Variants in ARHGEF11 observed in about 807,000 individuals in gnomAD.
The protein encoded by ARHGEF11 is Rho guanine exchange factor (GEF) 11.
ARHGEF11 carries 55 observed loss-of-function variants against 193.7 expected under a neutral mutation model. The observed-to-expected ratio is 0.28, with a 90% confidence interval of 0.23 to 0.36. ARHGEF11 has a LOEUF of 0.36. ARHGEF11 is among the 10% of genes least tolerant of loss of function. ARHGEF11 has a pLI of 1.00. For synonymous variants in ARHGEF11, 693 were observed against 768.0 expected, an observed-to-expected ratio of 0.90 and a Z score of 1.62; for missense variants, 1,723 against 2,005.6, an observed-to-expected ratio of 0.86 and a Z score of 2.69.
At chr1:156,968,358 T>C (rs1400497374) in intron 10 of ARHGEF11, among the ~76,000 whole-genome samples, 1 of 152,208 alleles carries the variant, frequency 6.6e-6, no homozygotes, top group African/African-American at 2.4e-5. Flanking sequence ...ACAAAGAAAC[T>C]GAGACTCCAA....
At chr1:157,024,776 A>G (rs1458848688) in intron 1 of ARHGEF11, among the ~76,000 whole-genome samples, 1 of 152,180 alleles carries the variant, frequency 6.6e-6, no homozygotes, top group East Asian at 1.9e-4. Flanking sequence ...CAGTTAAAGA[A>G]GTTTGTATCT....
chr1:157,005,691 C>G (rs1667738477), intron 1 of ARHGEF11, among the ~76,000 whole-genome samples: 2 of 152,226 alleles, frequency 1.3e-5, no homozygotes, highest in Admixed American at 1.3e-4. Flanking sequence ...GCTACTTAGT[C>G]TCTTACAACA....
chr1:156,947,420 C>A lies in ARHGEF11; in HGVS notation c.2372G>T (p.Arg791Leu), dbSNP rs1658347030. The A allele has an allele frequency of 6.2e-7, 1 of 1,610,742 alleles. No homozygotes were observed. Among genetic ancestry groups the A allele is most frequent in the African/African-American group, 1.3e-5 (1 of 74,688 alleles). Residue 791 changes from arginine to leucine, a missense_variant, in exon 26 of 41, where the codon CGC becomes CTC. Arg to Leu is a moderately radical substitution (Grantham distance 102). Around this residue, in one of 5 missense-constraint regions of ARHGEF11, gnomAD observed 491 missense variants for 654.5 expected, o/e 0.75. Transcript: ENST00000368194. Reference protein sequence around the residue: ...ELFVTEASHLRTLRVLDLIFY... With the variant: ...ELFVTEASHLLTLRVLDLIFY... ...GATCAGGTCCAGGACCCGGAGTGTG[C>A]GCAGGTGGGAAGCTTCAGTCACAAA...
chr1:156,973,039 C>A (rs577698984), intron 7 of ARHGEF11, among the ~76,000 whole-genome samples: 4 of 152,236 alleles, frequency 2.6e-5, no homozygotes, highest in South Asian at 2.1e-4. Context: ...CTTTTCACAG[C>A]CACTTTTTTT....
chr1:156,950,423 G>A (rs1658902395), intron 22 of ARHGEF11, among the ~76,000 whole-genome samples: 1 of 152,060 alleles, frequency 6.6e-6, no homozygotes, highest in African/African-American at 2.4e-5. Flanking sequence ...GATTGCTGTG[G>A]TTGGGAGTTC....
intron 40 of ARHGEF11, among the ~76,000 whole-genome samples, chr1:156,936,595 A>G (rs1377320855): frequency 2.7e-5 from 4 of 149,970 alleles, no homozygotes; most frequent in African/African-American, 4.9e-5. Flanking sequence ...CCATAGCACA[A>G]GGAAAAAGAG....
intron 1 of ARHGEF11, among the ~76,000 whole-genome samples, chr1:157,019,907 A>T (rs758896522): frequency 6.6e-5 from 10 of 152,162 alleles, no homozygotes; most frequent in Non-Finnish European, 1.3e-4. Context: ...CAGGCAGATC[A>T]CAAGGTCAGG....
rs1184260383 is a variant in ARHGEF11, at chr1:156,961,750, T to A, written c.1166A>T (p.Tyr389Phe). The change falls in exon 14 of 41, where the codon TAT becomes TTT. Residue 389 changes from tyrosine to phenylalanine, a missense_variant. By Grantham distance (22) the Tyr-to-Phe change is conservative (BLOSUM62 3). Transcript: ENST00000368194. ...PLLFYLCAEV[Y>F]QQASPKDSRS... ...GGAATCCTTGGGGCTTGCCTGCTGA[T>A]AAACTTCTGCACACAGGTAAAAAAG... The A allele has an allele frequency of 1.9e-6, 3 of 1,614,220 alleles. No homozygotes were observed. The highest frequency in any genetic ancestry group is 2.5e-6 in the Non-Finnish European group (3 of 1,180,022).
At chr1:157,021,125 A>G (rs1352616698) in intron 1 of ARHGEF11, among the ~76,000 whole-genome samples, 1 of 152,258 alleles carries the variant, frequency 6.6e-6, no homozygotes, top group Non-Finnish European at 1.5e-5. Context: ...GTTGCTCTGT[A>G]GGAAGATGGG....
rs1356791991 is a variant in ARHGEF11, at chr1:156,944,077, G to A, written c.3093C>T (p.Asp1031=). The change falls in exon 32 of 41, where the codon GAC becomes GAT. Residue 1031 remains aspartate (D), a synonymous_variant. Transcript: ENST00000368194. ...TLDLHVLLLE[D]LLVLLQKQDE... ...CCTGTTTCTGTAGCAGCACTAGGAGGTCCTCCAGCAGCAGCACGTGGAGGT... is the reference window on the plus strand; with the variant it reads ...CCTGTTTCTGTAGCAGCACTAGGAGATCCTCCAGCAGCAGCACGTGGAGGT... 1 of 1,613,922 alleles carries A rather than the reference G, an allele frequency of 6.2e-7. No homozygotes were observed. Among genetic ancestry groups the A allele is most frequent in the African/African-American group, 1.3e-5 (1 of 74,912 alleles).
At chr1:156,970,728 A>G (rs1177923337) in intron 8 of ARHGEF11, among the ~76,000 whole-genome samples, 3 of 152,200 alleles carry the variant, frequency 2.0e-5, no homozygotes, top group African/African-American at 7.2e-5. Flanking sequence ...GCAGCAGCAA[A>G]CATGTACAGC....
chr1:156,956,655 G>A (rs1660005445), intron 18 of ARHGEF11, 91 bp from the exon 19 acceptor site: 1 of 1,551,428 alleles, frequency 6.4e-7, no homozygotes, highest in Non-Finnish European at 8.8e-7. Flanking sequence ...GTGGAGTGGG[G>A]AAGGGGTAGT....
Position 156,948,937 on chromosome 1 carries a change from G to A in ARHGEF11, c.1926-439C>T. 1 of 985,390 alleles carries A rather than the reference G, an allele frequency of 1.0e-6. No individual in the cohort carries two copies. Among genetic ancestry groups the A allele is most frequent in the Non-Finnish European group, 1.2e-6 (1 of 829,920 alleles). The allele number at this position is 985,390 out of a possible 1,614,324, so 61.0% of individuals were successfully genotyped here. Reference sequence around the variant, plus strand: ...TCACGTTGCCTCTGCTTTGGAACGGGTCAGCTCCCACCTTTAACTCTGCCT... The same window carrying A: ...TCACGTTGCCTCTGCTTTGGAACGGATCAGCTCCCACCTTTAACTCTGCCT... On this transcript the variant is annotated intron_variant, in intron 22 of 40. Coordinates refer to ENST00000368194, the MANE Select transcript of ARHGEF11 (RefSeq NM_198236.3). The surrounding 1 kb of genome is among the most constrained non-coding windows in gnomAD (Gnocchi z 4.2).
intron 1 of ARHGEF11, among the ~76,000 whole-genome samples, chr1:157,007,899 G>GTTTTTTTTTTTTTTTTTTTT (rs11290114): frequency 7.8e-6 from 1 of 128,948 alleles, no homozygotes; most frequent in Non-Finnish European, 1.6e-5. Flanking sequence ...GAAGGCAAAG[G>GTTTTTTTTTTTTTTTTTTTT]TTTTTTTTTT....
Position 156,963,425 on chromosome 1 carries a change from C to T in ARHGEF11, c.1038+95G>A, listed in dbSNP as rs554176863. The T allele has an allele frequency of 1.2e-4, 180 of 1,507,766 alleles. 2 individuals carry two copies. The South Asian group carries it at 1.9e-3, about 16-fold the overall frequency. The allele number at this position is 1,507,766 out of a possible 1,614,324, so 93.4% of individuals were successfully genotyped here. ...AACAGGAGGCTCCCCGCCTCAAGTT[C>T]CCTTCACAGCTGATGCTAGTCAAAC... is the stretch of plus-strand genomic sequence containing the variant. On this transcript the variant is annotated intron_variant, in intron 12 of 40. Coordinates refer to ENST00000368194, the MANE Select transcript of ARHGEF11 (RefSeq NM_198236.3).
At chr1:156,960,159 T>C (rs1025661860) in intron 15 of ARHGEF11, among the ~76,000 whole-genome samples, 5 of 152,026 alleles carry the variant, frequency 3.3e-5, no homozygotes, top group Non-Finnish European at 7.4e-5. Flanking sequence ...AACCCAGGTC[T>C]CCTAACTCCA....
chr1:156,961,546 T>C, intron 14 of ARHGEF11, 131 bp downstream of exon 14: 1 of 747,810 alleles, frequency 1.3e-6, no homozygotes, highest in South Asian at 1.7e-5. Context: ...TCCAGGAATA[T>C]TAATCTCTCA....
At chr1:157,002,820 G>A (rs1035340734) in intron 1 of ARHGEF11, among the ~76,000 whole-genome samples, 1 of 152,190 alleles carries the variant, frequency 6.6e-6, no homozygotes, top group African/African-American at 2.4e-5. Flanking sequence ...AGACAAGAAT[G>A]TAGGCTCCTG....
At chr1:156,971,874 A>G (rs199568884) in intron 7 of ARHGEF11, 58 bp from the exon 8 acceptor site, 2 of 1,557,052 alleles carry the variant, frequency 1.3e-6, no homozygotes, top group Non-Finnish European at 1.7e-6. Context: ...TGGTTAATAG[A>G]GAATGGATGA....
Sources: gnomAD v4.1 joint callset for allele counts (sites outside exome capture counted in the v4.1 genomes callset) on GRCh38, gnomAD v4.1.1 for gene constraint, gnomAD v4.1.1 regional missense constraint, Gnocchi (gnomAD v3.1) non-coding constraint, MANE v1.5 for transcripts, NCBI Gene and HGNC (gene_info 2026-07-23, HGNC 2026-07-21) for gene names.